ATP6V0B: variants seen among roughly 807,000 people sequenced by gnomAD.
The protein encoded by ATP6V0B is ATPase H+ transporting V0 subunit b.
In ATP6V0B, 4 loss-of-function variants were observed where a neutral mutation model predicts 26.2. The observed-to-expected ratio is 0.15, with a 90% CI of 0.08 to 0.35. ATP6V0B has a LOEUF of 0.35. Ranked by LOEUF, ATP6V0B falls within the 10% of genes least tolerant of loss-of-function variation. ATP6V0B has a pLI of 1.00. For missense variants in ATP6V0B, 175 were observed against 272.5 expected (o/e 0.64, Z 2.52); for synonymous variants, 110 against 105.8 (o/e 1.04, Z -0.24).
chr1:43,976,847 G>A lies in ATP6V0B; in HGVS notation c.400+23G>A. On this transcript the variant is annotated intron_variant, in intron 6 of 7. Transcript: ENST00000472174. The surrounding 1 kb of genome is among the most constrained non-coding windows in gnomAD (Gnocchi z 4.6). Reference sequence around the variant, plus strand: ...CAGGTGGGTGGATGGGCGTATGAATGCAAAATGCTGGGACTTCATGCCTGC... The same window carrying A: ...CAGGTGGGTGGATGGGCGTATGAATACAAAATGCTGGGACTTCATGCCTGC... 2.5e-6 allele frequency: 4 copies of A among 1,613,754 alleles called. No homozygotes were observed. The highest frequency in any genetic ancestry group is 3.4e-6 in the Non-Finnish European group (4 of 1,179,674).
Position 43,976,973 on chromosome 1 carries a change from A to C in ATP6V0B, c.401-53A>C, listed in dbSNP as rs1453764042. ...GGATGGTGATTGGCCCCATTAGCCC[A>C]TATCTCCCCCATTCCTGGCTTAGCC... is the stretch of plus-strand genomic sequence containing the variant. On this transcript the variant is annotated intron_variant, in intron 6 of 7. Coordinates refer to ENST00000472174, the MANE Select transcript of ATP6V0B (RefSeq NM_004047.5). The surrounding 1 kb of genome is among the most constrained non-coding windows in gnomAD (Gnocchi z 4.6). The C allele has an allele frequency of 2.5e-6, 4 of 1,601,186 alleles. No homozygotes were observed. Among genetic ancestry groups the C allele is most frequent in the African/African-American group, 2.7e-5 (2 of 74,628 alleles).
intron 1 of ATP6V0B, chr1:43,975,488 A>G (rs745764941): frequency 3.6e-6 from 2 of 549,160 alleles, no homozygotes; most frequent in Non-Finnish European, 6.4e-6. Context: ...TTGTTGGGTA[A>G]ACAGCGGAAC....
Position 43,978,102 on chromosome 1 carries a change from G to A in ATP6V0B, c.*95G>A. 6.4e-7 allele frequency: 1 copy of A among 1,564,620 alleles called. No individual in the cohort carries two copies. Among genetic ancestry groups the A allele is most frequent in the Non-Finnish European group, 8.8e-7 (1 of 1,136,284 alleles). Reference sequence around the variant, plus strand: ...TGTCCCTTAGCCTTTCAGAGGCTTGGTGTTCAGGGCCCTCCCTGCACTCCC... The same window carrying A: ...TGTCCCTTAGCCTTTCAGAGGCTTGATGTTCAGGGCCCTCCCTGCACTCCC... On this transcript the variant is annotated 3_prime_UTR_variant, in exon 8 of 8. Transcript: ENST00000472174.
chr1:43,978,166 G>A lies in ATP6V0B; in HGVS notation c.*159G>A. The A allele has an allele frequency of 9.3e-7, 1 of 1,076,346 alleles. No homozygotes were observed. Among genetic ancestry groups the A allele is most frequent in the Non-Finnish European group, 1.4e-6 (1 of 714,870 alleles). The allele number at this position is 1,076,346 out of a possible 1,614,324, so 66.7% of individuals were successfully genotyped here. A position where few individuals can be genotyped will look rare whatever the true frequency, so the allele number is the denominator to read the frequency against. ...TTGATTTGGAGGCACTGCAGTCCAG[G>A]CCGAGTCCTCAGTGCGGGGAGCAGG... On this transcript the variant is annotated 3_prime_UTR_variant, in exon 8 of 8. Transcript: ENST00000472174.
chr1:43,977,005 C>T (rs778863005), intron 6 of ATP6V0B, 21 bp from the exon 7 acceptor site: 1 of 1,600,942 alleles, frequency 6.2e-7, no homozygotes, highest in East Asian at 2.2e-5. Flanking sequence ...AGCCTCACTG[C>T]ACCCCTCTCT....
Position 43,976,445 on chromosome 1 carries a change from C to G in ATP6V0B, c.278+66C>G, listed in dbSNP as rs1341418721. ...TGTTGGCGCTGCCTGTGTGTTTGAT[C>G]TGACATACTGTTTCTGACAAGCCAC... On this transcript the variant is annotated intron_variant, in intron 4 of 7. Transcript: ENST00000472174. The surrounding 1 kb of genome is among the most constrained non-coding windows in gnomAD (Gnocchi z 4.6). 1.9e-6 allele frequency: 3 copies of G among 1,550,260 alleles called. No individual in the cohort carries two copies. The highest frequency in any genetic ancestry group is 2.7e-6 in the Non-Finnish European group (3 of 1,130,826).
Position 43,975,865 on chromosome 1 carries a change from G to A in ATP6V0B, c.116+17G>A, listed in dbSNP as rs1420428024. On this transcript the variant is annotated intron_variant, in intron 2 of 7. Transcript: ENST00000472174. ...TGTGGCATGGTAAGGGAGGGCAGGG[G>A]GAGGATTCCCCTTGAAGCTTCTTCC... The A allele has an allele frequency of 6.3e-7, 1 of 1,584,264 alleles. No individual in the cohort carries two copies. Among genetic ancestry groups the A allele is most frequent in the Non-Finnish European group, 8.6e-7 (1 of 1,163,870 alleles).
At position 43,976,899 on chromosome 1, in the gene ATP6V0B, G is replaced by A; in HGVS notation, c.400+75G>A. 2 of 1,605,960 alleles carry A rather than the reference G, an allele frequency of 1.2e-6. No homozygotes were observed. The highest frequency in any genetic ancestry group is 2.2e-5 in the East Asian group (1 of 44,824). On this transcript the variant is annotated intron_variant, in intron 6 of 7. Transcript: ENST00000472174. This position sits in a 1 kb window ranked among gnomAD's most constrained non-coding sequence, Gnocchi z 4.6. ...TCCACTCTCCCCCATCCCAGCTTGG[G>A]CCATCATTTTGATATTCTCTCACCT...
rs200762613 is a variant in ATP6V0B at position 43,978,202 on chromosome 1, T to C, written c.*195T>C. On this transcript the variant is annotated 3_prime_UTR_variant, in exon 8 of 8. Transcript: ENST00000472174. ...AGTGCGGGGAGCAGGCTGCTGCTGC[T>C]GACTCTGTGCAGCTGCGCACCTGTG... 1.6e-4 allele frequency: 118 copies of C among 726,680 alleles called. No individual in the cohort carries two copies. The highest frequency in any genetic ancestry group is 4.6e-4 in the East Asian group (18 of 38,846). 45.0% of individuals were successfully genotyped at this position (726,680 alleles called of 1,614,324 possible).
At chr1:43,977,359 T>C in intron 7 of ATP6V0B, 143 bp downstream of exon 7, 1 of 1,548,420 alleles carries the variant, frequency 6.5e-7, no homozygotes, top group South Asian at 1.2e-5. Context: ...TTCCATCTTC[T>C]GGTTTTCTCC....
In ATP6V0B at chr1:43,976,442, G is replaced by T; in HGVS notation, c.278+63G>T. The T allele has an allele frequency of 6.4e-7, 1 of 1,554,980 alleles. No individual in the cohort carries two copies. The highest frequency in any genetic ancestry group is 1.1e-5 in the South Asian group (1 of 88,246). ...CTGTGTTGGCGCTGCCTGTGTGTTTGATCTGACATACTGTTTCTGACAAGC... is the reference window on the plus strand; with the variant it reads ...CTGTGTTGGCGCTGCCTGTGTGTTTTATCTGACATACTGTTTCTGACAAGC... On this transcript the variant is annotated intron_variant, in intron 4 of 7. Coordinates refer to ENST00000472174, the MANE Select transcript of ATP6V0B (RefSeq NM_004047.5). The surrounding 1 kb of genome is among the most constrained non-coding windows in gnomAD (Gnocchi z 4.6).
rs1402362913 is a variant in ATP6V0B, at chr1:43,978,091, T to G, written c.*84T>G. 5 of 1,596,692 alleles carry G rather than the reference T, an allele frequency of 3.1e-6. No homozygotes were observed. The highest frequency in any genetic ancestry group is 4.3e-6 in the Non-Finnish European group (5 of 1,164,712). On this transcript the variant is annotated 3_prime_UTR_variant, in exon 8 of 8. Coordinates refer to ENST00000472174, the MANE Select transcript of ATP6V0B (RefSeq NM_004047.5). ...AGCTGGAGCTGTGTCCCTTAGCCTT[T>G]CAGAGGCTTGGTGTTCAGGGCCCTC...
chr1:43,975,833 G>A lies in ATP6V0B; in HGVS notation c.101G>A (p.Arg34His), dbSNP rs201522408. 3 of 1,601,142 alleles carry A rather than the reference G, an allele frequency of 1.9e-6. No homozygotes were observed. ...VCYTIFDLGFRFDVAWFLTET... is the reference protein window; with the variant it reads ...VCYTIFDLGFHFDVAWFLTET... ...TACACCATTTTTGATTTGGGCTTCC[G>A]CTTTGATGTGGCATGGTAAGGGAGG... Residue 34 changes from arginine to histidine, a missense_variant, in exon 2 of 8, where the codon CGC (arginine) becomes CAC (histidine). By Grantham distance (29) the Arg-to-His change is conservative (BLOSUM62 0). This residue lies in a region of ATP6V0B where 75 missense variants were observed against 94.7 expected (regional missense o/e 0.79). Coordinates refer to ENST00000472174, the MANE Select transcript of ATP6V0B (RefSeq NM_004047.5).
In ATP6V0B at chr1:43,976,070, C is replaced by A. The variant is rs368947160; in HGVS notation, c.117-20C>A. On this transcript the variant is annotated intron_variant, in intron 2 of 7. Coordinates refer to ENST00000472174, the MANE Select transcript of ATP6V0B (RefSeq NM_004047.5). The surrounding 1 kb of genome is among the most constrained non-coding windows in gnomAD (Gnocchi z 4.6). ...TTCCCTGCTAGAGCTGAACTGCTTT[C>A]TTCTCTGCTTCCACAACAGGTTCCT... 2 of 1,612,522 alleles carry A rather than the reference C, an allele frequency of 1.2e-6. No homozygotes were observed. The highest frequency in any genetic ancestry group is 1.7e-6 in the Non-Finnish European group (2 of 1,178,592).
intron 2 of ATP6V0B, 83 bp downstream of exon 2, chr1:43,975,931 C>A (rs1043967467): frequency 1.4e-5 from 21 of 1,519,614 alleles, no homozygotes; most frequent in Admixed American, 8.9e-5. Context: ...GTCCCTCCCC[C>A]ACACCACTGC....
chr1:43,975,696 G>T, intron 1 of ATP6V0B, 104 bp from the exon 2 acceptor site: 1 of 1,305,674 alleles, frequency 7.7e-7, no homozygotes, highest in Non-Finnish European at 1.1e-6. Context: ...GCCTGAGGAC[G>T]CCCCTTCAGG....
rs913379687 is a variant in ATP6V0B, at chr1:43,978,229, C to A, written c.*222C>A. The A allele has an allele frequency of 3.2e-6, 2 of 626,174 alleles. No homozygotes were observed. The highest frequency in any genetic ancestry group is 2.8e-5 in the Admixed American group (1 of 35,512). 38.8% of individuals were successfully genotyped at this position (626,174 alleles called of 1,614,324 possible). Reference sequence around the variant, plus strand: ...ACTCTGTGCAGCTGCGCACCTGTGTCCCCCACCTCCACCCTCAACCCATCT... The same window carrying A: ...ACTCTGTGCAGCTGCGCACCTGTGTACCCCACCTCCACCCTCAACCCATCT... On this transcript the variant is annotated 3_prime_UTR_variant, in exon 8 of 8. Coordinates refer to ENST00000472174, the MANE Select transcript of ATP6V0B (RefSeq NM_004047.5).
rs2085528817 is a variant in ATP6V0B at position 43,977,126 on chromosome 1, T to G, written c.501T>G (p.Ala167=). 1.9e-6 allele frequency: 3 copies of G among 1,614,248 alleles called. No homozygotes were observed. In the East Asian group the frequency reaches 6.7e-5, roughly 36 times the overall value. Residue 167 remains alanine (A), a synonymous_variant, in exon 7 of 8, where the codon GCT becomes GCG. Coordinates refer to ENST00000472174, the MANE Select transcript of ATP6V0B (RefSeq NM_004047.5). ...GCAGTGGGGCTGCCCTGGCCGATGC[T>G]CAGAACCCCAGCCTCTTTGTAAAGA... The part of the protein sequence containing the change: ...IVGSGAALAD[A]QNPSLFVKIL...
chr1:43,977,173 G>A lies in ATP6V0B; in HGVS notation c.548G>A (p.Gly183Asp). 1.2e-6 allele frequency: 2 copies of A among 1,614,128 alleles called. No individual in the cohort carries two copies. Among genetic ancestry groups the A allele is most frequent in the Non-Finnish European group, 1.7e-6 (2 of 1,180,016 alleles). ...AAGATTCTCATCGTGGAGATCTTTGGCAGCGCCATTGGCCTCTTTGGGGTC... is the reference window on the plus strand; with the variant it reads ...AAGATTCTCATCGTGGAGATCTTTGACAGCGCCATTGGCCTCTTTGGGGTC... ...FVKILIVEIF[G>D]SAIGLFGVIV... Residue 183 changes from glycine (G) to aspartate (D), a missense_variant, in exon 7 of 8, where the codon GGC becomes GAC. Coordinates refer to ENST00000472174, the MANE Select transcript of ATP6V0B (RefSeq NM_004047.5).
Sources: gnomAD v4.1 joint callset for allele counts on GRCh38, gnomAD v4.1.1 for gene constraint, gnomAD v4.1.1 regional missense constraint, Gnocchi (gnomAD v3.1) non-coding constraint, MANE v1.5 for transcripts, NCBI Gene and HGNC (gene_info 2026-07-23, HGNC 2026-07-21) for gene names.